PPM1H: variants seen among roughly 807,000 people sequenced by gnomAD.
The protein encoded by PPM1H is protein phosphatase 1H.
PPM1H carries 27 observed loss-of-function variants against 54.9 expected under a neutral mutation model. The observed-to-expected ratio is 0.49, with a 90% CI of 0.36 to 0.68. The LOEUF is 0.68. Ranked by LOEUF, PPM1H falls within the 30% of genes least tolerant of loss-of-function variation. The pLI is 0.00. For missense variants in PPM1H, 596 were observed against 667.8 expected (o/e 0.89, Z 1.19); for synonymous variants, 305 against 270.8 (o/e 1.13, Z -1.24).
chr12:62,837,945 C>G (rs541220260), intron 1 of PPM1H, among the ~76,000 whole-genome samples: 127 of 152,312 alleles, frequency 8.3e-4, no homozygotes, highest in Middle Eastern at 3.4e-3. Context: ...AGAACAGGGA[C>G]CTCCTCTGAG....
At chr12:62,830,974 C>A (rs1191814409) in intron 2 of PPM1H, among the ~76,000 whole-genome samples, 1 of 152,152 alleles carries the variant, frequency 6.6e-6, no homozygotes, top group African/African-American at 2.4e-5. Context: ...CTGCCTCAGC[C>A]TCCTGAGTAG....
chr12:62,746,366 A>C (rs909662259), intron 4 of PPM1H, among the ~76,000 whole-genome samples: 31 of 152,190 alleles, frequency 2.0e-4, no homozygotes, highest in African/African-American at 7.5e-4. Flanking sequence ...TTCAGTGGCC[A>C]TAGGGAAATT....
chr12:62,770,471 T>TAGA (rs2120645943), intron 4 of PPM1H, among the ~76,000 whole-genome samples: 2 of 152,318 alleles, frequency 1.3e-5, no homozygotes, highest in South Asian at 4.2e-4. Flanking sequence ...ATCACAAGTG[T>TAGA]TCCTATCTGT....
At chr12:62,818,381 G>C (rs1009101145) in intron 2 of PPM1H, among the ~76,000 whole-genome samples, 1 of 151,996 alleles carries the variant, frequency 6.6e-6, no homozygotes, top group Non-Finnish European at 1.5e-5. Context: ...AACCTTCCAA[G>C]TCAAAGGAAA....
At chr12:62,797,563 T>C (rs1214830444) in intron 3 of PPM1H, among the ~76,000 whole-genome samples, 1 of 152,212 alleles carries the variant, frequency 6.6e-6, no homozygotes, top group Non-Finnish European at 1.5e-5. Flanking sequence ...CTGTGTGAAC[T>C]GTCCTCGGGT....
chr12:62,686,538 T>G (rs561867241), intron 8 of PPM1H, among the ~76,000 whole-genome samples: 13 of 152,244 alleles, frequency 8.5e-5, no homozygotes, highest in African/African-American at 3.1e-4. Flanking sequence ...AGGTCCGACA[T>G]TTATTGCTCT....
chr12:62,848,207 A>C (rs1869045836), intron 1 of PPM1H, among the ~76,000 whole-genome samples: 2 of 152,214 alleles, frequency 1.3e-5, no homozygotes, highest in Admixed American at 1.3e-4. Context: ...TTAATCAGTA[A>C]ATACATAAAA....
intron 2 of PPM1H, among the ~76,000 whole-genome samples, chr12:62,824,516 G>T (rs1456533390): frequency 3.3e-5 from 5 of 152,178 alleles, no homozygotes; most frequent in African/African-American, 1.2e-4. Flanking sequence ...CAAGGCTACA[G>T]TAACCAAAAC....
At chr12:62,884,355 G>T (rs1041787122) in intron 1 of PPM1H, among the ~76,000 whole-genome samples, 2 of 149,066 alleles carry the variant, frequency 1.3e-5, no homozygotes, top group African/African-American at 5.0e-5. Context: ...AAAAAAAATA[G>T]TCAGGCATAG....
intron 4 of PPM1H, among the ~76,000 whole-genome samples, chr12:62,775,995 C>T (rs534213235): frequency 6.6e-6 from 1 of 152,294 alleles, no homozygotes; most frequent in East Asian, 1.9e-4. Context: ...AAAGGCACGT[C>T]TTACTTGATG....
intron 3 of PPM1H, among the ~76,000 whole-genome samples, chr12:62,799,193 G>A (rs1484978196): frequency 6.6e-6 from 1 of 152,100 alleles, no homozygotes; most frequent in African/African-American, 2.4e-5. Flanking sequence ...TTAAAAATGA[G>A]CCTCTTAAGT....
chr12:62,648,427 C>G lies in PPM1H; in HGVS notation c.*62G>C. Reference sequence around the variant, plus strand: ...ACTCAGCTGGGGCACTTCCCAGTTCCGTCCTGCCAAGAGGCATCCCAGCTT... The same window carrying G: ...ACTCAGCTGGGGCACTTCCCAGTTCGGTCCTGCCAAGAGGCATCCCAGCTT... On this transcript the variant is annotated 3_prime_UTR_variant, in exon 10 of 10. Coordinates refer to ENST00000228705, the MANE Select transcript of PPM1H (RefSeq NM_020700.2). 4 of 1,585,630 alleles carry G rather than the reference C, an allele frequency of 2.5e-6. No individual in the cohort carries two copies. Among genetic ancestry groups the G allele is most frequent in the Non-Finnish European group, 3.4e-6 (4 of 1,161,146 alleles).
chr12:62,863,216 T>TG (rs1869663129), intron 1 of PPM1H, among the ~76,000 whole-genome samples: 1 of 151,726 alleles, frequency 6.6e-6, no homozygotes, highest in African/African-American at 2.4e-5. Context: ...TTTGTAGAGA[T>TG]GGGGGTCTCA....
chr12:62,908,948 T>A (rs1307945891), intron 1 of PPM1H, among the ~76,000 whole-genome samples: 2 of 152,148 alleles, frequency 1.3e-5, no homozygotes. Context: ...GATTGGAACT[T>A]GGGCCAATGG....
rs145684653 is a variant in PPM1H at position 62,735,978 on chromosome 12, G to T, written c.954+1524C>A. Among the ~76,000 whole-genome samples, 1,428 of 152,316 alleles carry T rather than the reference G, an allele frequency of 9.4e-3. 24 individuals are homozygous for T. The highest frequency in any genetic ancestry group is 0.033 in the African/African-American group (1,356 of 41,542). ...GGTGGTGGTGGCAACATTGAGATAG[G>T]ACTGGAGATGTGGGCAGGGGCCAGG... On this transcript the variant is annotated intron_variant, in intron 5 of 9. Coordinates refer to ENST00000228705, the MANE Select transcript of PPM1H (RefSeq NM_020700.2).
chr12:62,647,685 G>C lies in PPM1H; in HGVS notation c.*804C>G, dbSNP rs554095959. On this transcript the variant is annotated 3_prime_UTR_variant, in exon 10 of 10. Transcript: ENST00000228705. ...CAGTTTCATGAAAACACACTGATTC[G>C]GTTAGAAAATGCAACTTGGGAACAA... 1 of 152,302 alleles carries C rather than the reference G, an allele frequency of 6.6e-6. No homozygotes were observed. The highest frequency in any genetic ancestry group is 2.4e-5 in the African/African-American group (1 of 41,502). 9.4% of individuals were successfully genotyped at this position (152,302 alleles called of 1,614,324 possible).
In PPM1H at chr12:62,828,360, T is replaced by G. The variant is rs551539678; in HGVS notation, c.411+3754A>C. 6.7e-4 allele frequency among the ~76,000 whole-genome samples: 102 copies of G among 152,324 alleles called. 1 individual carries two copies. Among genetic ancestry groups the G allele is most frequent in the Non-Finnish European group, 8.1e-4 (55 of 68,032 alleles). ...TTCTGCTCCAACCACACAGACCTCC[T>G]TCCTAAACCCTGAGAACATAGGGCC... On this transcript the variant is annotated intron_variant, in intron 2 of 9. Transcript: ENST00000228705.
intron 4 of PPM1H, among the ~76,000 whole-genome samples, chr12:62,759,177 G>A (rs1308482061): frequency 6.6e-6 from 1 of 152,170 alleles, no homozygotes; most frequent in African/African-American, 2.4e-5. Context: ...CTGTTTGGTG[G>A]TCTCTTCACA....
At chr12:62,674,571 C>T (rs981092500) in intron 8 of PPM1H, among the ~76,000 whole-genome samples, 1 of 152,198 alleles carries the variant, frequency 6.6e-6, no homozygotes, top group African/African-American at 2.4e-5. Flanking sequence ...AGTCTATCTA[C>T]TTTACTTGAT....
Sources: gnomAD v4.1 joint callset for allele counts (sites outside exome capture counted in the v4.1 genomes callset) on GRCh38, gnomAD v4.1.1 for gene constraint, MANE v1.5 for transcripts, NCBI Gene and HGNC (gene_info 2026-07-23, HGNC 2026-07-21) for gene names.